SLC33A2: variants seen among roughly 807,000 people sequenced by gnomAD.
SLC33A2 encodes major facilitator superfamily domain containing 3.
chr8:144,510,184 GC>G, the SLC33A2 span: 1 of 1,269,728 alleles, frequency 7.9e-7, no homozygotes, highest in Non-Finnish European at 1.1e-6. Context: ...TGTCTTGTCC[GC>G]CCCCAGCTCT....
the SLC33A2 span, chr8:144,509,595 C>G: frequency 1.3e-6 from 2 of 1,541,492 alleles, no homozygotes; most frequent in East Asian, 2.4e-5. Flanking sequence ...TGCCGGGCTG[C>G]CCCCTCCTGG....
the SLC33A2 span, chr8:144,509,369 C>T: frequency 2.7e-6 from 4 of 1,500,710 alleles, no homozygotes; most frequent in Non-Finnish European, 3.5e-6. Context: ...CCGGCCTCTA[C>T]CTGGTGCAGG....
chr8:144,510,308 G>C, the SLC33A2 span: 4 of 1,602,632 alleles, frequency 2.5e-6, no homozygotes, highest in African/African-American at 1.3e-5. Context: ...GGAGAAGGGA[G>C]GTGGGGGCAG....
At chr8:144,510,480 T>C in the SLC33A2 span, 1 of 1,612,794 alleles carries the variant, frequency 6.2e-7, no homozygotes, top group Non-Finnish European at 8.5e-7. Context: ...GGCTCCTCCC[T>C]GGGTGGGACC....
chr8:144,510,279 G>A, the SLC33A2 span: 19 of 1,578,824 alleles, frequency 1.2e-5, no homozygotes, highest in East Asian at 4.2e-4. Flanking sequence ...GAGCAGGGCA[G>A]GACTGAGGGC....
the SLC33A2 span, chr8:144,510,225 GCCCCACTTCTC>G: frequency 7.1e-7 from 1 of 1,416,882 alleles, no homozygotes; most frequent in South Asian, 1.3e-5. Flanking sequence ...CTCTCGGGCT[GCCCCACTTCTC>G]CCCCAGTATC....
chr8:144,509,566 G>C, the SLC33A2 span: 1 of 1,524,304 alleles, frequency 6.6e-7, no homozygotes. Flanking sequence ...GCGGGCCTGG[G>C]CCTGGTGTGT....
chr8:144,509,820 T>G, the SLC33A2 span: 1 of 1,539,472 alleles, frequency 6.5e-7, no homozygotes, highest in Non-Finnish European at 8.7e-7. Flanking sequence ...CACCTTCTCG[T>G]GGCCGCAACT....
At chr8:144,511,138 G>T in the SLC33A2 span, 1 of 1,610,526 alleles carries the variant, frequency 6.2e-7, no homozygotes. Context: ...TCTGTACCTG[G>T]ACCTAGCACC....
At chr8:144,510,085 GC>G in the SLC33A2 span, 1 of 1,511,502 alleles carries the variant, frequency 6.6e-7, no homozygotes. Flanking sequence ...GTCCCCAGGG[GC>G]TTGCAACCCA....
the SLC33A2 span, chr8:144,510,931 G>C: frequency 1.2e-6 from 2 of 1,600,664 alleles, no homozygotes; most frequent in African/African-American, 2.7e-5. Flanking sequence ...GGACACAAGA[G>C]AGACCACGGG....
At chr8:144,510,644 G>A in the SLC33A2 span, 1 of 1,561,138 alleles carries the variant, frequency 6.4e-7, no homozygotes, top group Non-Finnish European at 8.7e-7. Flanking sequence ...CCGCCTCGGG[G>A]GCCTAGCCTG....
chr8:144,509,188 C>T, the SLC33A2 span: 1 of 812,256 alleles, frequency 1.2e-6, no homozygotes, highest in Non-Finnish European at 1.8e-6. Flanking sequence ...GTGTCCAGAC[C>T]CTAGCCTGTA....
chr8:144,510,554 G>GC, the SLC33A2 span: 8 of 1,610,648 alleles, frequency 5.0e-6, no homozygotes, highest in Non-Finnish European at 6.8e-6. Flanking sequence ...TACCTGAGCT[G>GC]CCCCCAATCC....
chr8:144,509,554 C>G, the SLC33A2 span: 1 of 1,518,858 alleles, frequency 6.6e-7, no homozygotes, highest in South Asian at 1.2e-5. Context: ...ACGCGCAGCA[C>G]GGCGGGCCTG....
chr8:144,510,721 A>G, the SLC33A2 span: 1 of 1,589,590 alleles, frequency 6.3e-7, no homozygotes, highest in Non-Finnish European at 8.6e-7. Context: ...CAATCTTGAG[A>G]GGTGAGGGGC....
the SLC33A2 span, chr8:144,509,778 C>G: frequency 6.4e-7 from 1 of 1,555,988 alleles, no homozygotes; most frequent in East Asian, 2.4e-5. Flanking sequence ...GGGGGCCGCG[C>G]TAGCTGGGGG....
the SLC33A2 span, chr8:144,510,183 C>G: frequency 7.9e-6 from 10 of 1,270,248 alleles, no homozygotes; most frequent in South Asian, 1.2e-4. Context: ...GTGTCTTGTC[C>G]GCCCCCAGCT....
chr8:144,509,662 TGGGTGCCGCCATGCA>T, the SLC33A2 span: 1 of 1,552,414 alleles, frequency 6.4e-7, no homozygotes, highest in Non-Finnish European at 8.7e-7. Flanking sequence ...TTGTTGAACC[TGGGTGCCGCCATGCA>T]GGATGTGGCC....
Sources: allele counts gnomAD v4.1 joint callset, GRCh38; gene constraint gnomAD v4.1.1; transcripts MANE v1.5; gene names NCBI Gene and HGNC (gene_info 2026-07-23, HGNC 2026-07-21).